Variants in ZBTB20 observed in about 807,000 individuals in gnomAD.
ZBTB20 encodes the protein zinc finger and BTB domain-containing protein 20.
A neutral mutation model predicts 56.9 loss-of-function variants in ZBTB20; 9 were observed. The observed-to-expected ratio is 0.16, with a 90% CI of 0.10 to 0.28. ZBTB20 has a LOEUF of 0.28. Ranked by LOEUF, ZBTB20 falls within the 10% of genes least tolerant of loss-of-function variation. The pLI is 1.00. For synonymous variants in ZBTB20, 417 were observed against 420.7 expected (o/e 0.99, Z 0.11); for missense variants, 655 against 1,003.0 (o/e 0.65, Z 4.69).
chr3:114,405,741 C>T lies in ZBTB20; in HGVS notation c.-254-16636G>A, dbSNP rs539074702. On this transcript the variant is annotated intron_variant, in intron 7 of 11. Transcript: ENST00000675478. ...TATTCTAAAATGGTGGAGCTGTAAGCAGGGACTAAAGAGAGTGTAGTTTGA... is the reference window on the plus strand; with the variant it reads ...TATTCTAAAATGGTGGAGCTGTAAGTAGGGACTAAAGAGAGTGTAGTTTGA... 4.6e-5 allele frequency among the ~76,000 whole-genome samples: 7 copies of T among 152,124 alleles called. 1 individual carries two copies. In the South Asian group the frequency reaches 1.5e-3, roughly 32 times the overall value.
At chr3:115,073,431 C>G (rs1260980312) in intron 1 of ZBTB20, among the ~76,000 whole-genome samples, 1 of 152,082 alleles carries the variant, frequency 6.6e-6, no homozygotes, top group East Asian at 1.9e-4. Context: ...ATTTCTTATT[C>G]CCGACTCCTA....
intron 5 of ZBTB20, among the ~76,000 whole-genome samples, chr3:114,742,165 G>GACA (rs1192158095): frequency 3.3e-5 from 5 of 152,066 alleles, no homozygotes; most frequent in Admixed American, 1.3e-4. Context: ...TACCCCATAT[G>GACA]ACAAGTGGAT....
chr3:114,466,972 T>C (rs936406523), intron 7 of ZBTB20, among the ~76,000 whole-genome samples: 3 of 152,208 alleles, frequency 2.0e-5, no homozygotes, highest in African/African-American at 7.2e-5. Flanking sequence ...CAAAGTTACC[T>C]GAAGCAGGCA....
rs1411956962 is a variant in ZBTB20, at chr3:114,333,223, T to C, written c.*5782A>G. On this transcript the variant is annotated 3_prime_UTR_variant, in exon 12 of 12. Transcript: ENST00000675478. ...AACACTGAGTCACCACAGCCTTTTT[T>C]CTTGTAAAGGTTTAAGTGATATCAG... 1 of 152,216 alleles carries C rather than the reference T, an allele frequency of 6.6e-6. No homozygotes were observed. The highest frequency in any genetic ancestry group is 6.5e-5 in the Admixed American group (1 of 15,286). 9.4% of individuals were successfully genotyped at this position (152,216 alleles called of 1,614,324 possible).
rs1576172254 is a variant in ZBTB20 at position 114,321,894 on chromosome 3, T to C, written c.*17111A>G. On this transcript the variant is annotated 3_prime_UTR_variant, in exon 12 of 12. Coordinates refer to ENST00000675478, the MANE Select transcript of ZBTB20 (RefSeq NM_001348800.3). Reference sequence around the variant, plus strand: ...CTCCTCAGAAGACTGGAGGCAATGGTACAGAAAAGCGTAACTGAATAAATT... The same window carrying C: ...CTCCTCAGAAGACTGGAGGCAATGGCACAGAAAAGCGTAACTGAATAAATT... 6.6e-6 allele frequency: 1 copy of C among 152,210 alleles called. No homozygotes were observed. The highest frequency in any genetic ancestry group is 6.5e-5 in the Admixed American group (1 of 15,288). The allele number at this position is 152,210 out of a possible 1,614,324, so 9.4% of individuals were successfully genotyped here.
intron 7 of ZBTB20, among the ~76,000 whole-genome samples, chr3:114,389,887 C>CA (rs34247337): frequency 0.46 from 35,970 of 77,714 alleles, 7,871 homozygotes; most frequent in African/African-American, 0.52. Context: ...GAGTCCATCT[C>CA]AAAAAAAAAA....
At chr3:114,461,342 G>A (rs1559820944) in intron 7 of ZBTB20, among the ~76,000 whole-genome samples, 1 of 142,090 alleles carries the variant, frequency 7.0e-6, no homozygotes, top group African/African-American at 2.6e-5. Flanking sequence ...CTCTGTCACC[G>A]AGGCTGGAGT....
chr3:114,987,558 T>C (rs1429375987), intron 2 of ZBTB20, among the ~76,000 whole-genome samples: 1 of 152,194 alleles, frequency 6.6e-6, no homozygotes, highest in Non-Finnish European at 1.5e-5. Flanking sequence ...GAGGTTTCAA[T>C]AGCTTTATTA....
chr3:114,323,912 T>C lies in ZBTB20; in HGVS notation c.*15093A>G, dbSNP rs1196118036. 5.3e-5 allele frequency: 8 copies of C among 152,136 alleles called. No individual in the cohort carries two copies. The highest frequency in any genetic ancestry group is 4.6e-4 in the Admixed American group (7 of 15,270). 9.4% of individuals were successfully genotyped at this position (152,136 alleles called of 1,614,324 possible). ...GTAACACACTCTCTCCCAGCACAAG[T>C]AAGTACATTTCAGTAGTGCAATGCA... On this transcript the variant is annotated 3_prime_UTR_variant, in exon 12 of 12. Coordinates refer to ENST00000675478, the MANE Select transcript of ZBTB20 (RefSeq NM_001348800.3).
rs539813699 is a variant in ZBTB20, at chr3:114,869,356, A to G, written c.-417+30948T>C. ...TAGTCTTTTATTAATTCTCCATCACATCATATTTTCCCTTGACTACTAAAT... is the reference window on the plus strand; with the variant it reads ...TAGTCTTTTATTAATTCTCCATCACGTCATATTTTCCCTTGACTACTAAAT... On this transcript the variant is annotated intron_variant, in intron 4 of 11. Coordinates refer to ENST00000675478, the MANE Select transcript of ZBTB20 (RefSeq NM_001348800.3). Among the ~76,000 whole-genome samples, 3 of 152,242 alleles carry G rather than the reference A, an allele frequency of 2.0e-5. No individual in the cohort carries two copies. The South Asian group carries it at 6.2e-4, about 32-fold the overall frequency.
chr3:114,373,573 A>C lies in ZBTB20; in HGVS notation c.199+6644T>G, dbSNP rs994332034. Among the ~76,000 whole-genome samples the C allele has an allele frequency of 7.3e-5, 11 of 151,664 alleles. No homozygotes were observed. The South Asian group carries it at 1.5e-3, about 20-fold the overall frequency. On this transcript the variant is annotated intron_variant, in intron 10 of 11. Transcript: ENST00000675478. ...ACAAATGCCCACTCCTTTATGATCC[A>C]GTTTAATTTCATTTTTGGTGTGGAG...
intron 2 of ZBTB20, among the ~76,000 whole-genome samples, chr3:115,004,396 G>A (rs2079382059): frequency 6.6e-6 from 1 of 151,642 alleles, no homozygotes; most frequent in Admixed American, 6.6e-5. Flanking sequence ...CTGTAACCAA[G>A]AGTCTTTGCC....
chr3:115,084,359 G>C (rs570321251), intron 1 of ZBTB20, among the ~76,000 whole-genome samples: 1 of 149,966 alleles, frequency 6.7e-6, no homozygotes, highest in Non-Finnish European at 1.5e-5. Context: ...GTGGTTGCCT[G>C]TCTCATAACA....
intron 5 of ZBTB20, among the ~76,000 whole-genome samples, chr3:114,754,165 C>G (rs958210155): frequency 6.6e-6 from 1 of 152,176 alleles, no homozygotes; most frequent in Admixed American, 6.5e-5. Flanking sequence ...CACCTGCGAA[C>G]TGGGGAGGCC....
chr3:115,038,915 C>T (rs1384062797), intron 2 of ZBTB20, among the ~76,000 whole-genome samples: 1 of 151,938 alleles, frequency 6.6e-6, no homozygotes, highest in East Asian at 1.9e-4. Context: ...CAATTTTTTA[C>T]CTTTTTATTA....
chr3:114,636,930 A>AAGC (rs1553773280), intron 6 of ZBTB20, among the ~76,000 whole-genome samples: 1 of 151,682 alleles, frequency 6.6e-6, no homozygotes, highest in East Asian at 1.9e-4. Flanking sequence ...CAACAACAAA[A>AAGC]AACAACAACA....
chr3:115,019,014 C>T (rs1055504388), intron 2 of ZBTB20, among the ~76,000 whole-genome samples: 9 of 151,076 alleles, frequency 6.0e-5, no homozygotes, highest in African/African-American at 2.2e-4. Flanking sequence ...AACTTTTCTC[C>T]CCTCCAGATT....
At chr3:114,426,243 G>A (rs2089646900) in intron 7 of ZBTB20, among the ~76,000 whole-genome samples, 1 of 150,604 alleles carries the variant, frequency 6.6e-6, no homozygotes, top group Admixed American at 6.7e-5. Context: ...GGAGGCTGAG[G>A]CAGGAGAATG....
intron 6 of ZBTB20, among the ~76,000 whole-genome samples, chr3:114,666,829 G>A (rs1203267198): frequency 6.6e-6 from 1 of 151,978 alleles, no homozygotes; most frequent in African/African-American, 2.4e-5. Flanking sequence ...TACAGAGAAC[G>A]TGGTGTCTCG....
Sources: allele counts gnomAD v4.1 joint callset (sites outside exome capture counted in the v4.1 genomes callset), GRCh38; gene constraint gnomAD v4.1.1; transcripts MANE v1.5; gene names NCBI Gene and HGNC (gene_info 2026-07-23, HGNC 2026-07-21).